CUEDC1: variants seen among roughly 807,000 people sequenced by gnomAD.
The protein encoded by CUEDC1 is CUE domain-containing protein 1.
In CUEDC1, 30 loss-of-function variants were observed where a neutral mutation model predicts 43.7. That is an observed-to-expected ratio of 0.69 (90% CI 0.51 to 0.93). CUEDC1 has a LOEUF of 0.93. Ranked by LOEUF, CUEDC1 falls within the 40% of genes least tolerant of loss-of-function variation. CUEDC1 has a pLI of 0.00. For missense variants in CUEDC1, 486 were observed against 549.0 expected, an observed-to-expected ratio of 0.89 and a Z score of 1.15; for synonymous variants, 223 against 223.6, an observed-to-expected ratio of 1.00 and a Z score of 0.02.
Position 57,879,649 on chromosome 17 carries a change from G to A in CUEDC1, c.426C>T (p.Asp142=). 6.2e-7 allele frequency: 1 copy of A among 1,605,102 alleles called. No homozygotes were observed. Among genetic ancestry groups the A allele is most frequent in the Non-Finnish European group, 8.5e-7 (1 of 1,177,074 alleles). ...TCGGGGGAGCCAGAGGGTAGGGCCG[G>A]TCGAACACGTGCATGTGGTAGGCTG... ...SPPAYHMHVF[D]RPYPLAPPTP... The change falls in exon 3 of 11, where the codon GAC becomes GAT. Residue 142 remains aspartate (D), a synonymous_variant. Coordinates refer to ENST00000577830, the MANE Select transcript of CUEDC1 (RefSeq NM_001271875.2).
At chr17:57,901,472 C>A (rs1487084334) in intron 1 of CUEDC1, among the ~76,000 whole-genome samples, 6 of 152,220 alleles carry the variant, frequency 3.9e-5, no homozygotes, top group African/African-American at 1.4e-4. Flanking sequence ...GCCACCTACC[C>A]CTCCCCTGAA....
rs1463457535 is a variant in CUEDC1, at chr17:57,861,876, G to GC, written c.*1412dup. ...GAGGGGGCGACCGCTCCTCGGCAGG[G>GC]CCCCCCGAGCCAGCGTCCCGGCCCC... On this transcript the variant is annotated 3_prime_UTR_variant, in exon 11 of 11. Transcript: ENST00000577830. 2 of 151,852 alleles carry GC rather than the reference G, an allele frequency of 1.3e-5. No homozygotes were observed. The highest frequency in any genetic ancestry group is 2.4e-5 in the African/African-American group (1 of 41,358). 9.4% of individuals were successfully genotyped at this position (151,852 alleles called of 1,614,324 possible). A position where few individuals can be genotyped will look rare whatever the true frequency, so the allele number is the denominator to read the frequency against.
intron 1 of CUEDC1, among the ~76,000 whole-genome samples, chr17:57,922,195 T>C (rs1227532972): frequency 6.6e-6 from 1 of 152,176 alleles, no homozygotes; most frequent in Non-Finnish European, 1.5e-5. Flanking sequence ...AGTTTGGATA[T>C]GGAGGGATAA....
At chr17:57,937,723 A>G (rs540774779) in intron 1 of CUEDC1, among the ~76,000 whole-genome samples, 1 of 152,110 alleles carries the variant, frequency 6.6e-6, no homozygotes, top group East Asian at 1.9e-4. Context: ...TGGGCAACAT[A>G]GCAAGACCCT....
At chr17:57,875,099 G>A (rs368297456) in intron 3 of CUEDC1, among the ~76,000 whole-genome samples, 3 of 152,264 alleles carry the variant, frequency 2.0e-5, no homozygotes, top group South Asian at 2.1e-4. Context: ...TTCTGTCACT[G>A]TTGGAGGCTT....
At chr17:57,938,805 G>A (rs1445457008) in intron 1 of CUEDC1, among the ~76,000 whole-genome samples, 1 of 151,828 alleles carries the variant, frequency 6.6e-6, no homozygotes, top group Non-Finnish European at 1.5e-5. Flanking sequence ...TGGGATTACA[G>A]GCATGTGCCA....
chr17:57,881,190 GCACATGCACA>G (rs1482567723), intron 2 of CUEDC1, among the ~76,000 whole-genome samples: 2 of 152,192 alleles, frequency 1.3e-5, no homozygotes, highest in Non-Finnish European at 2.9e-5. Flanking sequence ...ACACACACGC[GCACATGCACA>G]CACATGCACA....
chr17:57,910,659 GAGA>G (rs958306260), intron 1 of CUEDC1, among the ~76,000 whole-genome samples: 7 of 151,834 alleles, frequency 4.6e-5, no homozygotes, highest in Non-Finnish European at 1.0e-4. Context: ...AAGGAAAAAA[GAGA>G]AGAAAAGAAA....
chr17:57,933,463 C>T (rs546602981), intron 1 of CUEDC1, among the ~76,000 whole-genome samples: 1 of 152,122 alleles, frequency 6.6e-6, no homozygotes, highest in African/African-American at 2.4e-5. Flanking sequence ...CCCCCTCCAC[C>T]CCAATTTCAG....
chr17:57,883,777 G>A (rs1356216340), intron 2 of CUEDC1, among the ~76,000 whole-genome samples: 2 of 152,144 alleles, frequency 1.3e-5, no homozygotes, highest in East Asian at 3.8e-4. Flanking sequence ...AAAGCACTTA[G>A]GATGATGCCT....
At chr17:57,882,069 G>A (rs568550917) in intron 2 of CUEDC1, among the ~76,000 whole-genome samples, 1 of 152,312 alleles carries the variant, frequency 6.6e-6, no homozygotes, top group South Asian at 2.1e-4. Flanking sequence ...TGTGGGTGAT[G>A]GATGCCTGCC....
intron 10 of CUEDC1, among the ~76,000 whole-genome samples, chr17:57,863,560 A>C (rs1305997719): frequency 6.6e-6 from 1 of 152,106 alleles, no homozygotes; most frequent in African/African-American, 2.4e-5. Context: ...GCTGTAGGGG[A>C]GGGCTTCAAC....
chr17:57,919,361 G>A (rs1275098134), intron 1 of CUEDC1, among the ~76,000 whole-genome samples: 2 of 151,904 alleles, frequency 1.3e-5, no homozygotes, highest in African/African-American at 4.8e-5. Context: ...TGTATTTTTA[G>A]TAGAGACAGG....
At chr17:57,881,157 C>G (rs753638048) in intron 2 of CUEDC1, among the ~76,000 whole-genome samples, 1 of 152,182 alleles carries the variant, frequency 6.6e-6, no homozygotes, top group African/African-American at 2.4e-5. Context: ...GGGAAGTGAG[C>G]CTGTGCATGT....
Position 57,885,375 on chromosome 17 carries a change from C to T in CUEDC1, c.190G>A (p.Asp64Asn), listed in dbSNP as rs756539078. The T allele has an allele frequency of 1.2e-6, 2 of 1,612,064 alleles. No homozygotes were observed. The highest frequency in any genetic ancestry group is 2.2e-5 in the South Asian group (2 of 90,770). Reference protein sequence around the residue: ...FKTMFPNMDYDIIECVLRANS... With the variant: ...FKTMFPNMDYNIIECVLRANS... ...GCGCGCAGCACGCATTCGATGATGTCGTAATCCATGTTGGGGAACATGGTC... is the reference window on the plus strand; with the variant it reads ...GCGCGCAGCACGCATTCGATGATGTTGTAATCCATGTTGGGGAACATGGTC... The change falls in exon 2 of 11, where the codon GAC (aspartate) becomes AAC (asparagine). Residue 64 changes from aspartate (D) to asparagine (N), a missense_variant. Physicochemically the swap from Asp to Asn is conservative, Grantham distance 23. Coordinates refer to ENST00000577830, the MANE Select transcript of CUEDC1 (RefSeq NM_001271875.2).
intron 1 of CUEDC1, among the ~76,000 whole-genome samples, chr17:57,936,634 A>G (rs565317260): frequency 6.6e-6 from 1 of 152,184 alleles, no homozygotes; most frequent in South Asian, 2.1e-4. Context: ...AGAGCATGGC[A>G]CTACTGTGCT....
chr17:57,870,644 A>C (rs2074020669), intron 6 of CUEDC1, among the ~76,000 whole-genome samples: 1 of 151,184 alleles, frequency 6.6e-6, no homozygotes, highest in Non-Finnish European at 1.5e-5. Flanking sequence ...TGAGTCTCTG[A>C]GCCCCACCAC....
intron 1 of CUEDC1, among the ~76,000 whole-genome samples, chr17:57,913,242 C>T (rs540402802): frequency 3.1e-4 from 47 of 151,818 alleles, no homozygotes; most frequent in Admixed American, 2.0e-4. Flanking sequence ...GCAGGAGAAT[C>T]GCTTGAATCC....
chr17:57,908,792 TC>T (rs1372399142), intron 1 of CUEDC1, among the ~76,000 whole-genome samples: 3 of 152,078 alleles, frequency 2.0e-5, no homozygotes, highest in Non-Finnish European at 2.9e-5. Context: ...GGTCAGGAGA[TC>T]GAGACCATCC....
Sources: allele counts gnomAD v4.1 joint callset (sites outside exome capture counted in the v4.1 genomes callset), GRCh38; gene constraint gnomAD v4.1.1; transcripts MANE v1.5; gene names NCBI Gene and HGNC (gene_info 2026-07-23, HGNC 2026-07-21).